PBRM1: variants seen among roughly 807,000 people sequenced by gnomAD.
The protein encoded by PBRM1 is polybromo 1.
A neutral mutation model predicts 194.5 loss-of-function variants in PBRM1; 27 were observed. The observed-to-expected ratio is 0.14, with a 90% CI of 0.10 to 0.19. PBRM1 has a LOEUF of 0.19. PBRM1 is among the 10% of genes least tolerant of loss of function. The pLI, the probability that PBRM1 is intolerant of heterozygous loss-of-function variation, is 1.00. For synonymous variants in PBRM1, 655 were observed against 693.2 expected (o/e 0.94, Z 0.87); for missense variants, 1,466 against 2,077.2 (o/e 0.71, Z 5.72).
chr3:52,559,264 G>C (rs1282764620), intron 25 of PBRM1, among the ~76,000 whole-genome samples: 1 of 152,110 alleles, frequency 6.6e-6, no homozygotes, highest in African/African-American at 2.4e-5. Context: ...CTGGGCCGTA[G>C]AATACATCCT....
intron 7 of PBRM1, among the ~76,000 whole-genome samples, chr3:52,645,691 G>C (rs2096271257): frequency 6.6e-6 from 1 of 151,524 alleles, no homozygotes; most frequent in Non-Finnish European, 1.5e-5. Context: ...AACCGAGATG[G>C]CTACACAGTG....
rs555297920 is a variant in PBRM1, at chr3:52,651,863, A to C, written c.646-53T>G. On this transcript the variant is annotated intron_variant, in intron 5 of 29. Transcript: ENST00000296302. ...AATAAGTTAAACTATTCAGCTAATGAAAAGAGAAGGAAGTACATTGACAAT... is the reference window on the plus strand; with the variant it reads ...AATAAGTTAAACTATTCAGCTAATGCAAAGAGAAGGAAGTACATTGACAAT... 8 of 1,169,866 alleles carry C rather than the reference A, an allele frequency of 6.8e-6. No homozygotes were observed. In the African/African-American group the frequency reaches 9.3e-5, roughly 14 times the overall value. The allele number at this position is 1,169,866 out of a possible 1,614,324, so 72.5% of individuals were successfully genotyped here.
At chr3:52,615,381 C>T in exon 15 of PBRM1, 1 of 1,611,326 alleles carries the variant, frequency 6.2e-7, no homozygotes, top group African/African-American at 1.3e-5. Flanking sequence ...GCCATGTCAT[C>T]ATCATCAGGC....
upstream of PBRM1, among the ~76,000 whole-genome samples, chr3:52,684,264 G>T (rs10865974): frequency 0.46 from 69,040 of 150,670 alleles, 16,076 homozygotes; most frequent in African/African-American, 0.53. Flanking sequence ...AGAGTTCAAT[G>T]CCAAGTTTTA....
intron 10 of PBRM1, among the ~76,000 whole-genome samples, chr3:52,635,335 A>C (rs890320553): frequency 1.3e-5 from 2 of 152,154 alleles, no homozygotes; most frequent in African/African-American, 2.4e-5. Context: ...TGAGAGGCCA[A>C]GGTGGGTGAA....
At chr3:52,589,219 C>T (rs587778591) in exon 18 of PBRM1, 1 of 1,560,182 alleles carries the variant, frequency 6.4e-7, no homozygotes, top group Non-Finnish European at 8.6e-7. Context: ...GCCTGAGAGG[C>T]CTGCAGCACC....
intron 18 of PBRM1, among the ~76,000 whole-genome samples, chr3:52,588,405 C>T (rs1356669981): frequency 1.3e-5 from 2 of 152,134 alleles, no homozygotes; most frequent in African/African-American, 4.8e-5. Flanking sequence ...ATCTTCCTTA[C>T]TGGAGTAGTT....
At chr3:52,549,355 G>A (rs1468569774) in intron 29 of PBRM1, among the ~76,000 whole-genome samples, 2 of 151,724 alleles carry the variant, frequency 1.3e-5, no homozygotes, top group Non-Finnish European at 2.9e-5. Context: ...TTGTAGAGAC[G>A]GGGTTTTGCC....
At chr3:52,676,343 A>G (rs2097104798) in intron 2 of PBRM1, among the ~76,000 whole-genome samples, 1 of 152,132 alleles carries the variant, frequency 6.6e-6, no homozygotes, top group Admixed American at 6.5e-5. Flanking sequence ...AGGGACCCAG[A>G]GGGAGGTAAC....
At chr3:52,584,453 T>A (rs1204174323) in intron 20 of PBRM1, among the ~76,000 whole-genome samples, 1 of 133,068 alleles carries the variant, frequency 7.5e-6, no homozygotes, top group South Asian at 2.5e-4. Flanking sequence ...ATTCTTGCTT[T>A]TTTTTTTTTT....
At chr3:52,602,808 C>T (rs1460290436) in intron 17 of PBRM1, among the ~76,000 whole-genome samples, 2 of 152,140 alleles carry the variant, frequency 1.3e-5, no homozygotes, top group Non-Finnish European at 2.9e-5. Context: ...AGTCTCTTTC[C>T]CTTCTTTTTG....
At chr3:52,677,036 T>C (rs902232316) in intron 2 of PBRM1, among the ~76,000 whole-genome samples, 20 of 152,270 alleles carry the variant, frequency 1.3e-4, no homozygotes, top group African/African-American at 4.6e-4. Flanking sequence ...TTCAGTTTTA[T>C]AAGGGAAGCA....
rs397989611 is a variant in PBRM1 at position 52,584,450 on chromosome 3, C to CTTTTTTTTTTTTTTTTTTTT, written c.3387+1955_3387+1974dup. On this transcript the variant is annotated intron_variant, in intron 20 of 29. Coordinates refer to ENST00000296302, the Ensembl canonical transcript of PBRM1. The stretch of plus-strand genomic sequence containing the variant: ...AATTATCTGCAGAAAAGTATTCTTG[C>CTTTTTTTTTTTTTTTTTTTT]TTTTTTTTTTTTTTTTTTTTTTTTT... Among the ~76,000 whole-genome samples, 9 of 60,750 alleles carry CTTTTTTTTTTTTTTTTTTTT rather than the reference C, an allele frequency of 1.5e-4. 1 individual carries two copies. The highest frequency in any genetic ancestry group is 7.0e-4 in the African/African-American group (9 of 12,922). 39.9% of individuals were successfully genotyped at this position (60,750 alleles called of 152,430 possible).
intron 18 of PBRM1, among the ~76,000 whole-genome samples, chr3:52,588,433 A>C (rs1221060382): frequency 2.0e-5 from 3 of 152,046 alleles, no homozygotes; most frequent in Non-Finnish European, 2.9e-5. Context: ...GGAAAATATG[A>C]GCTTTTTGTT....
chr3:52,651,913 C>G (rs1052697396), intron 5 of PBRM1, 103 bp from the exon 7 acceptor site: 3 of 715,900 alleles, frequency 4.2e-6, no homozygotes. Context: ...ACCAGTGAAG[C>G]AGCTTTGTGA....
chr3:52,657,855 T>C (rs1038258764), intron 5 of PBRM1, among the ~76,000 whole-genome samples: 1 of 151,240 alleles, frequency 6.6e-6, no homozygotes, highest in South Asian at 2.1e-4. Context: ...TGGCGCAATC[T>C]TGGCTCACCC....
intron 14 of PBRM1, 82 bp from the exon 17 acceptor site, chr3:52,615,538 A>C (rs2094907940): frequency 1.2e-6 from 1 of 864,460 alleles, no homozygotes; most frequent in Admixed American, 2.0e-5. Context: ...AAGTTTTAAA[A>C]AGACAGTTTA....
chr3:52,662,650 A>AC lies in PBRM1; in HGVS notation c.385-375dup, dbSNP rs1276694887. Among the ~76,000 whole-genome samples the AC allele has an allele frequency of 2.0e-5, 3 of 152,134 alleles. No individual in the cohort carries two copies. The East Asian group carries it at 5.8e-4, about 29-fold the overall frequency. On this transcript the variant is annotated intron_variant, in intron 3 of 29. Coordinates refer to ENST00000296302, the Ensembl canonical transcript of PBRM1. The stretch of plus-strand genomic sequence containing the variant: ...AGACCATCCTGGCCAACATGGTGAA[A>AC]CCCCGTCTCTACTAAAAATACAAAA...
At chr3:52,617,687 G>T in intron 13 of PBRM1, 149 bp from the exon 16 acceptor site, 1 of 601,122 alleles carries the variant, frequency 1.7e-6, no homozygotes, top group Non-Finnish European at 2.7e-6. Flanking sequence ...CAGTAACCAT[G>T]CTGGAAGTTA....
Sources: allele counts gnomAD v4.1 joint callset (sites outside exome capture counted in the v4.1 genomes callset), GRCh38; gene constraint gnomAD v4.1.1; transcripts MANE v1.5; gene names NCBI Gene and HGNC (gene_info 2026-07-23, HGNC 2026-07-21).